KIAA1217: variants seen among roughly 807,000 people sequenced by gnomAD.
KIAA1217 encodes the protein sickle tail protein homolog.
In KIAA1217, 88 loss-of-function variants were observed where a neutral mutation model predicts 163.9. The observed-to-expected ratio is 0.54, with a 90% CI of 0.45 to 0.64. The LOEUF (loss-of-function observed/expected upper bound fraction) is 0.64, where lower values mean the gene tolerates loss of function less well. Among genes scored for constraint, KIAA1217 ranks in the 30% least tolerant of loss-of-function variants. The pLI is 0.00. For synonymous variants in KIAA1217, 903 were observed against 923.1 expected (o/e 0.98, Z 0.39); for missense variants, 2,372 against 2,475.0 (o/e 0.96, Z 0.88).
chr10:23,916,954 G>A (rs1342344418), intron 1 of KIAA1217, among the ~76,000 whole-genome samples: 4 of 135,892 alleles, frequency 2.9e-5, no homozygotes, highest in African/African-American at 1.2e-4. Context: ...CTTGGTGACA[G>A]AGTGAGATTC....
intron 6 of KIAA1217, among the ~76,000 whole-genome samples, chr10:24,475,240 G>A (rs1167733570): frequency 6.6e-6 from 1 of 151,892 alleles, no homozygotes; most frequent in Non-Finnish European, 1.5e-5. Context: ...AGAAAAATAA[G>A]GTGTCTAGAT....
At chr10:24,324,687 C>A (rs2044637454) in intron 2 of KIAA1217, among the ~76,000 whole-genome samples, 1 of 152,132 alleles carries the variant, frequency 6.6e-6, no homozygotes, top group Non-Finnish European at 1.5e-5. Context: ...TAGACTATGG[C>A]TCATTAGTTA....
At chr10:24,316,966 T>C (rs2285592) in intron 2 of KIAA1217, among the ~76,000 whole-genome samples, 18,050 of 152,070 alleles carry the variant, frequency 0.12, 1,713 homozygotes, top group African/African-American at 0.26. Context: ...TTTTTAGTAA[T>C]AGTGTTGGAA....
chr10:23,957,717 A>G (rs926389792), intron 1 of KIAA1217, among the ~76,000 whole-genome samples: 12 of 152,124 alleles, frequency 7.9e-5, no homozygotes, highest in African/African-American at 2.7e-4. Context: ...CTGAGACTCC[A>G]TCTTGGAAAT....
intron 2 of KIAA1217, among the ~76,000 whole-genome samples, chr10:24,376,597 C>T (rs1300261046): frequency 6.6e-6 from 1 of 152,068 alleles, no homozygotes; most frequent in Non-Finnish European, 1.5e-5. Flanking sequence ...ACCTCGTCTA[C>T]TACAAATTAA....
intron 2 of KIAA1217, among the ~76,000 whole-genome samples, chr10:24,202,111 C>A (rs762740403): frequency 1.1e-4 from 16 of 152,234 alleles, no homozygotes; most frequent in Non-Finnish European, 2.1e-4. Flanking sequence ...TGTATTTGCA[C>A]TGCGCCTTTC....
intron 2 of KIAA1217, among the ~76,000 whole-genome samples, chr10:24,095,664 C>G (rs1258432075): frequency 6.6e-6 from 1 of 152,192 alleles, no homozygotes; most frequent in Non-Finnish European, 1.5e-5. Flanking sequence ...CAAACTCTAT[C>G]ACTCTTATGG....
intron 2 of KIAA1217, among the ~76,000 whole-genome samples, chr10:24,374,268 A>G (rs1387656175): frequency 6.6e-6 from 1 of 152,196 alleles, no homozygotes; most frequent in East Asian, 1.9e-4. Flanking sequence ...GTTGGCATTA[A>G]AATGTGGTTA....
rs746110625 is a variant in KIAA1217, at chr10:24,474,007, G to A, written c.1626G>A (p.Glu542=). Residue 542 remains glutamate, a synonymous_variant, in exon 6 of 21, where the codon GAG becomes GAA. Transcript: ENST00000376454. ...SLVDLGPPLM[E]KQVFAYSTAT... is the part of the protein sequence containing the mutation. ...TAGACCTCGGCCCTCCTCTAATGGA[G>A]AAGCAAGTTTTTGCCTACAGCACGG... 4 of 1,612,062 alleles carry A rather than the reference G, an allele frequency of 2.5e-6. No homozygotes were observed. The highest frequency in any genetic ancestry group is 2.2e-5 in the East Asian group (1 of 44,820).
chr10:24,543,929 T>C lies in KIAA1217; in HGVS notation c.4659T>C (p.Asn1553=), dbSNP rs140162930. The C allele has an allele frequency of 2.7e-3, 4,356 of 1,613,798 alleles. 13 individuals are homozygous for C. Among genetic ancestry groups the C allele is most frequent in the South Asian group, 3.2e-3 (291 of 91,060 alleles). ...AGTTCAGCCACGTGGATTCTCCAAA[T>C]TCGGAATGCAAGGGTGAGGACGCGA... ...LNKFSHVDSP[N]SECKGEDATD... is the part of the protein sequence containing the mutation. Residue 1553 remains asparagine (N), a synonymous_variant, in exon 19 of 21, where the codon AAT becomes AAC. Coordinates refer to ENST00000376454, the MANE Select transcript of KIAA1217 (RefSeq NM_019590.5).
chr10:24,225,981 C>T (rs948117273), intron 2 of KIAA1217, among the ~76,000 whole-genome samples: 1 of 152,130 alleles, frequency 6.6e-6, no homozygotes, highest in Non-Finnish European at 1.5e-5. Context: ...ATAGATGGTA[C>T]AGATAGAGAG....
At chr10:23,820,353 A>C (rs1229155434) in intron 1 of KIAA1217, among the ~76,000 whole-genome samples, 27 of 152,216 alleles carry the variant, frequency 1.8e-4, no homozygotes, top group Admixed American at 1.8e-3. Context: ...CATGAAATAC[A>C]GTTCTACTCT....
chr10:23,960,905 A>G (rs1349008236), intron 1 of KIAA1217, among the ~76,000 whole-genome samples: 1 of 152,230 alleles, frequency 6.6e-6, no homozygotes, highest in African/African-American at 2.4e-5. Context: ...AATACTTAAA[A>G]GAGATATATT....
chr10:24,276,278 A>G (rs1441086386), intron 2 of KIAA1217, among the ~76,000 whole-genome samples: 2 of 152,226 alleles, frequency 1.3e-5, no homozygotes, highest in African/African-American at 2.4e-5. Context: ...AAAGGGATTT[A>G]TAAGGCATTT....
chr10:23,886,619 T>C (rs2131203455), intron 1 of KIAA1217, among the ~76,000 whole-genome samples: 1 of 152,110 alleles, frequency 6.6e-6, no homozygotes, highest in Middle Eastern at 3.4e-3. Flanking sequence ...AGCAACTGAC[T>C]TAATGACAGT....
At chr10:23,968,482 T>A (rs1845166292) in intron 1 of KIAA1217, among the ~76,000 whole-genome samples, 1 of 152,146 alleles carries the variant, frequency 6.6e-6, no homozygotes, top group South Asian at 2.1e-4. Context: ...CTTTATTGAG[T>A]CATAATTCAC....
At chr10:24,238,684 G>C (rs1564321737) in intron 2 of KIAA1217, among the ~76,000 whole-genome samples, 1 of 152,146 alleles carries the variant, frequency 6.6e-6, no homozygotes, top group South Asian at 2.1e-4. Flanking sequence ...TTCTAGGAAG[G>C]GGGCTGGTGG....
chr10:23,740,740 T>A (rs1311373911), intron 1 of KIAA1217, among the ~76,000 whole-genome samples: 1 of 151,562 alleles, frequency 6.6e-6, no homozygotes, highest in Non-Finnish European at 1.5e-5. Flanking sequence ...CATCCTAAAG[T>A]TTTCTTCTAG....
At chr10:24,136,847 C>T (rs899994270) in intron 2 of KIAA1217, among the ~76,000 whole-genome samples, 5 of 152,224 alleles carry the variant, frequency 3.3e-5, no homozygotes, top group African/African-American at 1.2e-4. Flanking sequence ...CAGAGTGTAG[C>T]TGAATTGTCC....
Sources: gnomAD v4.1 joint callset for allele counts (sites outside exome capture counted in the v4.1 genomes callset) on GRCh38, gnomAD v4.1.1 for gene constraint, MANE v1.5 for transcripts, NCBI Gene and HGNC (gene_info 2026-07-23, HGNC 2026-07-21) for gene names.